INSYN2B: variants seen among roughly 807,000 people sequenced by gnomAD.
INSYN2B encodes the protein protein INSYN2B.
INSYN2B carries 16 observed loss-of-function variants against 41.2 expected under a neutral mutation model. That is an observed-to-expected ratio of 0.39 (90% CI 0.26 to 0.59). The LOEUF is 0.59. INSYN2B is among the 20% of genes least tolerant of loss of function. The pLI is 0.57. For missense variants in INSYN2B, 608 were observed against 646.4 expected, an observed-to-expected ratio of 0.94 and a Z score of 0.64; for synonymous variants, 245 against 244.4, an observed-to-expected ratio of 1.00 and a Z score of -0.02.
At chr5:169,949,097 T>C (rs1390175872) in intron 1 of INSYN2B, among the ~76,000 whole-genome samples, 1 of 152,204 alleles carries the variant, frequency 6.6e-6, no homozygotes, top group African/African-American at 2.4e-5. Flanking sequence ...TGGATAAAAG[T>C]GTATAGCCCT....
At chr5:169,924,006 G>A (rs987760071) in intron 1 of INSYN2B, among the ~76,000 whole-genome samples, 16 of 152,198 alleles carry the variant, frequency 1.1e-4, no homozygotes, top group Non-Finnish European at 2.4e-4. Context: ...CATTCAGGTG[G>A]AGGCTTTGTG....
In INSYN2B at chr5:169,883,716, G is replaced by A. The variant is rs1453183279; in HGVS notation, c.183C>T (p.Asp61=). 1.1e-5 allele frequency: 17 copies of A among 1,551,446 alleles called. No homozygotes were observed. The Admixed American group carries it at 2.7e-4, about 25-fold the overall frequency. Residue 61 remains aspartate, a synonymous_variant, in exon 2 of 4, where the codon GAC becomes GAT. Coordinates refer to ENST00000377365, the MANE Select transcript of INSYN2B (RefSeq NM_001129891.3). ...CTTGAGTCTTCCCCATCACAGCCGG[G>A]TCTTCTGGAGTTTGGACGTCAACCT... ...LAEVDVQTPE[D]PAVMGKTQAT...
At chr5:169,971,726 G>A (rs1461582736) in intron 1 of INSYN2B, among the ~76,000 whole-genome samples, 10 of 152,202 alleles carry the variant, frequency 6.6e-5, no homozygotes, top group Non-Finnish European at 1.5e-4. Context: ...TGGCCTGAAG[G>A]CAACACAGTA....
chr5:169,885,093 G>C (rs1289710112), intron 1 of INSYN2B, among the ~76,000 whole-genome samples: 1 of 152,240 alleles, frequency 6.6e-6, no homozygotes, highest in South Asian at 2.1e-4. Flanking sequence ...CAATTTCTCA[G>C]GCAGCCTTTA....
At chr5:169,972,449 T>G (rs909607225) in intron 1 of INSYN2B, among the ~76,000 whole-genome samples, 4 of 150,992 alleles carry the variant, frequency 2.6e-5, no homozygotes, top group African/African-American at 9.8e-5. Flanking sequence ...TAGATGTCAG[T>G]AGCAACCTCT....
At chr5:169,930,228 G>A (rs1227791889) in intron 1 of INSYN2B, among the ~76,000 whole-genome samples, 1 of 152,146 alleles carries the variant, frequency 6.6e-6, no homozygotes, top group African/African-American at 2.4e-5. Context: ...CTGACCTTGT[G>A]ATCCGCCTGC....
At chr5:169,972,542 C>CAGATAGAT (rs143089504) in intron 1 of INSYN2B, among the ~76,000 whole-genome samples, 1,463 of 141,364 alleles carry the variant, frequency 0.01, 16 homozygotes, top group Middle Eastern at 0.018. Flanking sequence ...CACTGTGAGA[C>CAGATAGAT]AGATAGATAG....
At chr5:169,948,888 T>C (rs1776550868) in intron 1 of INSYN2B, among the ~76,000 whole-genome samples, 1 of 152,108 alleles carries the variant, frequency 6.6e-6, no homozygotes. Context: ...CCCTGCCTCC[T>C]CAGTAGTGAA....
intron 1 of INSYN2B, among the ~76,000 whole-genome samples, chr5:169,898,858 C>T (rs142211117): frequency 0.011 from 1,741 of 152,108 alleles, 43 homozygotes; most frequent in African/African-American, 0.037. Context: ...AGTTTGCTGC[C>T]GTTGTGTAAA....
At position 169,883,603 on chromosome 5, in the gene INSYN2B, G is replaced by A; in HGVS notation, c.296C>T (p.Thr99Ile). 6.4e-7 allele frequency: 1 copy of A among 1,551,666 alleles called. No individual in the cohort carries two copies. ...AGGFRNIAIQ[T>I]SPSLRKHFPV... is the part of the protein sequence containing the mutation. ...GAAATGCTTCCTGAGACTGGGGGAA[G>A]TTTGGATTGCAATGTTGCGAAAGCC... Residue 99 changes from threonine to isoleucine, a missense_variant, in exon 2 of 4, where the codon ACT becomes ATT. Transcript: ENST00000377365.
chr5:169,977,008 G>A (rs955853071), intron 1 of INSYN2B, among the ~76,000 whole-genome samples: 1 of 152,172 alleles, frequency 6.6e-6, no homozygotes, highest in African/African-American at 2.4e-5. Flanking sequence ...AGGATGTCCT[G>A]GGTAACCAAA....
chr5:169,917,103 C>A (rs1415377485), intron 1 of INSYN2B, among the ~76,000 whole-genome samples: 3 of 152,190 alleles, frequency 2.0e-5, no homozygotes, highest in African/African-American at 7.2e-5. Context: ...ATGATCAAGC[C>A]ACCAAATCTC....
chr5:169,909,274 G>T (rs1479632899), intron 1 of INSYN2B, among the ~76,000 whole-genome samples: 1 of 152,132 alleles, frequency 6.6e-6, no homozygotes, highest in Admixed American at 6.5e-5. Context: ...TGCATTTCAA[G>T]TGCTAATAGC....
At chr5:169,937,726 A>G (rs1714484728) in intron 1 of INSYN2B, among the ~76,000 whole-genome samples, 1 of 152,226 alleles carries the variant, frequency 6.6e-6, no homozygotes, top group Admixed American at 6.5e-5. Flanking sequence ...ACTTTTGCCC[A>G]GTAGTAACTG....
chr5:169,956,255 G>C (rs1358603159), intron 1 of INSYN2B, among the ~76,000 whole-genome samples: 1 of 152,206 alleles, frequency 6.6e-6, no homozygotes, highest in East Asian at 1.9e-4. Context: ...GCTTCTTTAA[G>C]TGTGTGCAAG....
At chr5:169,949,445 C>T (rs551333322) in intron 1 of INSYN2B, among the ~76,000 whole-genome samples, 4 of 152,020 alleles carry the variant, frequency 2.6e-5, no homozygotes, top group Non-Finnish European at 5.9e-5. Context: ...AGCCCATTAG[C>T]CCAGTTTGGC....
intron 1 of INSYN2B, among the ~76,000 whole-genome samples, chr5:169,923,972 T>G (rs1241665743): frequency 1.3e-5 from 2 of 152,186 alleles, no homozygotes; most frequent in Admixed American, 6.5e-5. Flanking sequence ...GTTGGCAAAA[T>G]GGAGCTGGAT....
intron 3 of INSYN2B, among the ~76,000 whole-genome samples, chr5:169,870,113 C>T (rs1229527848): frequency 6.6e-6 from 1 of 152,174 alleles, no homozygotes; most frequent in East Asian, 1.9e-4. Context: ...TAGGGATGCT[C>T]AGTTAACTGC....
chr5:169,895,049 G>A (rs1773519300), intron 1 of INSYN2B, among the ~76,000 whole-genome samples: 1 of 152,052 alleles, frequency 6.6e-6, no homozygotes, highest in Non-Finnish European at 1.5e-5. Flanking sequence ...TGCTGGAATC[G>A]ATGTTGCATT....
Sources: gnomAD v4.1 joint callset for allele counts (sites outside exome capture counted in the v4.1 genomes callset) on GRCh38, gnomAD v4.1.1 for gene constraint, MANE v1.5 for transcripts, NCBI Gene and HGNC (gene_info 2026-07-23, HGNC 2026-07-21) for gene names.